DACH2: variants seen among roughly 807,000 people sequenced by gnomAD.
The protein encoded by DACH2 is dachshund family transcription factor 2.
A neutral mutation model predicts 35.8 loss-of-function variants in DACH2; 17 were observed. The ratio of observed to expected loss-of-function variants is 0.48; its 90% CI spans 0.33 to 0.71. DACH2 has a LOEUF of 0.71. Ranked by LOEUF, DACH2 falls within the 30% of genes least tolerant of loss-of-function variation. The pLI, the probability that DACH2 is intolerant of heterozygous loss-of-function variation, is 0.02. For missense variants in DACH2, 469 were observed against 472.7 expected (o/e 0.99, Z 0.07); for synonymous variants, 195 against 177.3 (o/e 1.10, Z -0.79).
At chrX:86,809,920 T>C (rs747328816) in intron 7 of DACH2, among the ~76,000 whole-genome samples, 44 of 111,213 alleles carry the variant, frequency 4.0e-4, no homozygotes, top group African/African-American at 1.2e-3. Context: ...TTGAGCCACA[T>C]TATCAAAATG....
At chrX:86,271,356 G>T (rs2033810498) in intron 1 of DACH2, among the ~76,000 whole-genome samples, 1 of 112,065 alleles carries the variant, frequency 8.9e-6, no homozygotes, top group Non-Finnish European at 1.9e-5. Flanking sequence ...TCTTTTCCAT[G>T]AATCCACATA....
chrX:86,390,182 G>C (rs903001882), intron 2 of DACH2, among the ~76,000 whole-genome samples: 1 of 111,080 alleles, frequency 9.0e-6, no homozygotes, highest in African/African-American at 3.3e-5. Flanking sequence ...CAATGTCTCT[G>C]GTTAAAAAAA....
chrX:86,175,911 T>A (rs1244608299), intron 1 of DACH2, among the ~76,000 whole-genome samples: 2 of 111,009 alleles, frequency 1.8e-5, no homozygotes, highest in African/African-American at 6.5e-5. Flanking sequence ...TGGGTAAGTA[T>A]TAGAGTAAAT....
intron 1 of DACH2, among the ~76,000 whole-genome samples, chrX:86,280,402 C>T: frequency 8.9e-6 from 1 of 111,956 alleles, no homozygotes; most frequent in Middle Eastern, 4.7e-3. Flanking sequence ...CAAGCAAATG[C>T]TAAGAGATTT....
intron 2 of DACH2, among the ~76,000 whole-genome samples, chrX:86,397,802 T>C (rs2036329597): frequency 8.9e-6 from 1 of 112,024 alleles, no homozygotes; most frequent in Non-Finnish European, 1.9e-5. Flanking sequence ...CCATATTATA[T>C]TGAGGATTTT....
At chrX:86,818,103 G>T (rs2042470807) in intron 11 of DACH2, among the ~76,000 whole-genome samples, 1 of 111,522 alleles carries the variant, frequency 9.0e-6, no homozygotes, top group Non-Finnish European at 1.9e-5. Flanking sequence ...TTGGATGTCT[G>T]TCTTTTATAT....
intron 1 of DACH2, among the ~76,000 whole-genome samples, chrX:86,346,243 G>A (rs766989307): frequency 1.6e-3 from 176 of 110,132 alleles, no homozygotes; most frequent in Middle Eastern, 4.7e-3. Flanking sequence ...ACCATTTCTC[G>A]GACTCTGCAG....
At chrX:86,816,598 G>A (rs2042454839) in intron 11 of DACH2, among the ~76,000 whole-genome samples, 1 of 111,606 alleles carries the variant, frequency 9.0e-6, no homozygotes, top group African/African-American at 3.2e-5. Context: ...GACCACTTAA[G>A]TATGAAAATC....
intron 2 of DACH2, among the ~76,000 whole-genome samples, chrX:86,398,689 G>C (rs1463571555): frequency 1.8e-5 from 2 of 112,083 alleles, no homozygotes; most frequent in Non-Finnish European, 3.8e-5. Flanking sequence ...TTTCCATGTA[G>C]TTGTGTAGTT....
At chrX:86,482,988 T>A (rs1449310897) in intron 2 of DACH2, among the ~76,000 whole-genome samples, 1 of 30,147 alleles carries the variant, frequency 3.3e-5, no homozygotes, top group Non-Finnish European at 5.8e-5. Flanking sequence ...TGGGGACTGT[T>A]GTGGGGTGGG....
intron 7 of DACH2, among the ~76,000 whole-genome samples, chrX:86,758,356 G>A (rs1305122969): frequency 9.0e-6 from 1 of 111,372 alleles, no homozygotes; most frequent in Non-Finnish European, 1.9e-5. Flanking sequence ...GGATAAATAT[G>A]TTTATTGCTA....
intron 7 of DACH2, among the ~76,000 whole-genome samples, chrX:86,789,887 C>G (rs1216848879): frequency 2.7e-5 from 3 of 110,993 alleles, no homozygotes; most frequent in Non-Finnish European, 5.7e-5. Context: ...TCACCTATTT[C>G]CCTAATGATG....
At chrX:86,492,462 C>T (rs1446550460) in intron 2 of DACH2, among the ~76,000 whole-genome samples, 1 of 111,946 alleles carries the variant, frequency 8.9e-6, no homozygotes, top group South Asian at 3.7e-4. Flanking sequence ...TTTATTTAAA[C>T]TTGTTTGTAG....
intron 2 of DACH2, among the ~76,000 whole-genome samples, chrX:86,462,851 C>T (rs192799461): frequency 4.9e-4 from 55 of 111,427 alleles, no homozygotes; most frequent in Non-Finnish European, 8.9e-4. Context: ...CATTTCTTTC[C>T]ATTTTCTTTG....
intron 3 of DACH2, among the ~76,000 whole-genome samples, chrX:86,616,501 G>T (rs1053662257): frequency 3.6e-5 from 4 of 111,878 alleles, no homozygotes; most frequent in Non-Finnish European, 7.5e-5. Flanking sequence ...ATTTTGATTT[G>T]CATTTCTTTA....
chrX:86,649,520 A>G (rs764463334), intron 3 of DACH2, among the ~76,000 whole-genome samples: 1 of 110,930 alleles, frequency 9.0e-6, no homozygotes, highest in East Asian at 2.8e-4. Context: ...GGGGGACTGG[A>G]ATTTTATAAA....
intron 1 of DACH2, among the ~76,000 whole-genome samples, chrX:86,257,678 G>C (rs112241117): frequency 8.9e-6 from 1 of 111,977 alleles, no homozygotes; most frequent in Non-Finnish European, 1.9e-5. Flanking sequence ...AAAGTGCTAG[G>C]ATTACAGGCG....
chrX:86,288,303 C>A (rs2034195831), intron 1 of DACH2, among the ~76,000 whole-genome samples: 1 of 112,057 alleles, frequency 8.9e-6, no homozygotes, highest in African/African-American at 3.2e-5. Flanking sequence ...ACCTCTATGG[C>A]CACCACTTCT....
chrX:86,278,303 A>T (rs1026597667), intron 1 of DACH2, among the ~76,000 whole-genome samples: 2 of 111,876 alleles, frequency 1.8e-5, no homozygotes, highest in African/African-American at 6.5e-5. Context: ...CAAAAGTTGG[A>T]CCAATTGGGC....
Sources: gnomAD v4.1 joint callset for allele counts (sites outside exome capture counted in the v4.1 genomes callset) on GRCh38, gnomAD v4.1.1 for gene constraint, MANE v1.5 for transcripts, NCBI Gene and HGNC (gene_info 2026-07-23, HGNC 2026-07-21) for gene names.